Variants in DPF1 observed in about 807,000 individuals in gnomAD.
The protein encoded by DPF1 is zinc finger protein neuro-d4.
A neutral mutation model predicts 58.7 loss-of-function variants in DPF1; 14 were observed. That is an observed-to-expected ratio of 0.24 (90% CI 0.16 to 0.37). The LOEUF (loss-of-function observed/expected upper bound fraction) is 0.37, where lower values mean the gene tolerates loss of function less well. Ranked by LOEUF, DPF1 falls within the 10% of genes least tolerant of loss-of-function variation. The probability of loss-of-function intolerance (pLI) is 1.00; values close to 1 mark genes in which losing one functional copy is unlikely to be tolerated. For missense variants in DPF1, 345 were observed against 529.9 expected, an observed-to-expected ratio of 0.65 and a Z score of 3.43; for synonymous variants, 216 against 216.0, an observed-to-expected ratio of 1.00 and a Z score of 0.00.
rs2080122525 is a variant in DPF1 at position 38,229,325 on chromosome 19, T to C, written c.-132+234A>G. On this transcript the variant is annotated intron_variant, in intron 1 of 11. Coordinates refer to the DPF1 transcript ENST00000412732. This position sits in a 1 kb window ranked among gnomAD's most constrained non-coding sequence, Gnocchi z 5.3. Reference sequence around the variant, plus strand: ...TCCGCCACCCCCAGCCCGCGCCGCATTCCTTCACTGACAGCGACAAAGAAG... The same window carrying C: ...TCCGCCACCCCCAGCCCGCGCCGCACTCCTTCACTGACAGCGACAAAGAAG... Among the ~76,000 whole-genome samples the C allele has an allele frequency of 6.6e-6, 1 of 151,674 alleles. No homozygotes were observed. Among genetic ancestry groups the C allele is most frequent in the Non-Finnish European group, 1.5e-5 (1 of 67,854 alleles).
chr19:38,215,562 C>T (rs963220599), intron 9 of DPF1, among the ~76,000 whole-genome samples: 9 of 152,042 alleles, frequency 5.9e-5, no homozygotes, highest in African/African-American at 2.2e-4. Flanking sequence ...TTCAGCCTCC[C>T]GAGTAGCTGG....
chr19:38,222,316 G>C lies in DPF1; in HGVS notation c.298+41C>G. ...TGGACGAGTGCTAGGACACACAGCA[G>C]GCGCTGGGACACCGATGGGGGCCCC... On this transcript the variant is annotated intron_variant, in intron 3 of 11. Transcript: ENST00000355526. The surrounding 1 kb of genome is among the most constrained non-coding windows in gnomAD (Gnocchi z 4.9). The C allele has an allele frequency of 6.6e-7, 1 of 1,522,926 alleles. No homozygotes were observed. The allele number at this position is 1,522,926 out of a possible 1,614,324, so 94.3% of individuals were successfully genotyped here.
At chr19:38,219,746 C>G (rs1967308402) in intron 3 of DPF1, 1 of 152,438 alleles carries the variant, frequency 6.6e-6, no homozygotes, top group African/African-American at 2.4e-5. Flanking sequence ...CTCGGCCTTC[C>G]AAAGTGCTGG....
At chr19:38,229,095 C>T (rs1967943237), upstream of DPF1, among the ~76,000 whole-genome samples, 1 of 151,952 alleles carries the variant, frequency 6.6e-6, no homozygotes, top group Non-Finnish European at 1.5e-5. This position sits in a 1 kb window ranked among gnomAD's most constrained non-coding sequence, Gnocchi z 5.3. Context: ...CCGCGAGGGC[C>T]GGGGTCCTCA....
At chr19:38,217,436 C>A in intron 7 of DPF1, 24 bp downstream of exon 7, 1 of 1,547,782 alleles carries the variant, frequency 6.5e-7, no homozygotes. Flanking sequence ...CCCCTGGCCA[C>A]CCCCACCTGG....
chr19:38,217,920 C>G, intron 5 of DPF1, 44 bp from the exon 6 acceptor site: 1 of 1,607,030 alleles, frequency 6.2e-7, no homozygotes, highest in Non-Finnish European at 8.5e-7. Context: ...AGTGAGAAAA[C>G]AGGCCAGGCG....
chr19:38,213,159 G>A (rs1457327446), intron 10 of DPF1, among the ~76,000 whole-genome samples: 1 of 151,796 alleles, frequency 6.6e-6, no homozygotes, highest in Non-Finnish European at 1.5e-5. Context: ...TATTTTTGTA[G>A]AGATGGGGTT....
At chr19:38,217,396 C>CCCGGGG in intron 7 of DPF1, 64 bp downstream of exon 7, 1 of 1,225,738 alleles carries the variant, frequency 8.2e-7, no homozygotes, top group Non-Finnish European at 1.1e-6. Flanking sequence ...CCCCCACCCC[C>CCCGGGG]AGCTGGGCTC....
At chr19:38,212,774 CTTTTTTT>C (rs11367248) in intron 10 of DPF1, among the ~76,000 whole-genome samples, 8 of 81,694 alleles carry the variant, frequency 9.8e-5, no homozygotes, top group South Asian at 3.9e-4. Context: ...CCATGCACGA[CTTTTTTT>C]TTTTTTTTTT....
intron 9 of DPF1, 147 bp downstream of exon 9, chr19:38,215,993 C>A: frequency 7.3e-7 from 1 of 1,372,804 alleles, no homozygotes; most frequent in Non-Finnish European, 9.7e-7. Context: ...GCAGTTGCAT[C>A]AGCCTCGCTA....
At chr19:38,224,336 C>T, upstream of DPF1, 1 of 1,237,066 alleles carries the variant, frequency 8.1e-7, no homozygotes, top group Non-Finnish European at 1.0e-6. This position sits in a 1 kb window ranked among gnomAD's most constrained non-coding sequence, Gnocchi z 4.5. Context: ...GCCCCCGGGA[C>T]CCCGCGGGGA....
Position 38,220,479 on chromosome 19 carries a change from G to A in DPF1, c.299-1421C>T, listed in dbSNP as rs183913534. Among the ~76,000 whole-genome samples the A allele has an allele frequency of 4.2e-4, 64 of 151,850 alleles. 2 individuals carry two copies. In the East Asian group the frequency reaches 9.8e-3, roughly 23 times the overall value. On this transcript the variant is annotated intron_variant, in intron 3 of 11. Transcript: ENST00000355526. The stretch of plus-strand genomic sequence containing the variant: ...TACTAAAAATACAAAAAATTAGCTG[G>A]GCGTAGTGGCAGGCGCCTGTAGTCC...
intron 10 of DPF1, among the ~76,000 whole-genome samples, chr19:38,212,910 G>A (rs1198389312): frequency 1.3e-5 from 2 of 151,078 alleles, no homozygotes; most frequent in African/African-American, 2.4e-5. Context: ...ACCGCTCCCG[G>A]TCTGTGGGAA....
At chr19:38,221,454 C>T (rs754501562) in intron 3 of DPF1, among the ~76,000 whole-genome samples, 2 of 151,966 alleles carry the variant, frequency 1.3e-5, no homozygotes, top group African/African-American at 2.4e-5. Context: ...ACAGGAGAAT[C>T]GCTTGAACCC....
Position 38,217,492 on chromosome 19 carries a change from G to C in DPF1, c.695C>G (p.Ala232Gly). 1.9e-6 allele frequency: 3 copies of C among 1,551,314 alleles called. No homozygotes were observed. The highest frequency in any genetic ancestry group is 2.6e-6 in the Non-Finnish European group (3 of 1,146,926). ...GTTGTTTTTCCGGTGGAAGGGCAGG[G>C]CGTGGCGTTCGGCGTTCTCCTCCCC... Reference protein sequence around the residue: ...EEGEENAERHALPFHRKNNHK... With the variant: ...EEGEENAERHGLPFHRKNNHK... Residue 232 changes from alanine to glycine, a missense_variant, in exon 7 of 12, where the codon GCC becomes GGC. By Grantham distance (60) the Ala-to-Gly change is moderately conservative. Transcript: ENST00000355526.
chr19:38,215,915 G>A (rs1015740100), intron 9 of DPF1, among the ~76,000 whole-genome samples: 1 of 152,140 alleles, frequency 6.6e-6, no homozygotes, highest in African/African-American at 2.4e-5. Flanking sequence ...GCTACCCACA[G>A]TGCCATGAGA....
upstream of DPF1, among the ~76,000 whole-genome samples, chr19:38,225,271 A>T (rs548601897): frequency 2.5e-5 from 2 of 78,996 alleles, no homozygotes; most frequent in East Asian, 6.4e-4. Flanking sequence ...ATAATAAGAA[A>T]GAAAGAATAA....
At chr19:38,215,538 A>C (rs1273606072) in intron 9 of DPF1, among the ~76,000 whole-genome samples, 1 of 152,024 alleles carries the variant, frequency 6.6e-6, no homozygotes, top group Non-Finnish European at 1.5e-5. Context: ...TCTGGGCTCA[A>C]GCGAGCCTCC....
At chr19:38,220,300 AAGAAAG>A (rs1322299892) in intron 3 of DPF1, among the ~76,000 whole-genome samples, 2 of 99,258 alleles carry the variant, frequency 2.0e-5, no homozygotes, top group African/African-American at 8.4e-5. Flanking sequence ...GAGAGAGAGA[AAGAAAG>A]AGAAAGAAAG....
Sources: gnomAD v4.1 joint callset for allele counts (sites outside exome capture counted in the v4.1 genomes callset) on GRCh38, gnomAD v4.1.1 for gene constraint, Gnocchi (gnomAD v3.1) non-coding constraint, MANE v1.5 for transcripts, NCBI Gene and HGNC (gene_info 2026-07-23, HGNC 2026-07-21) for gene names.